The following COP1 variants were observed in gnomAD, a reference collection of about 807,000 sequenced individuals.
COP1 encodes COP1 E3 ubiquitin ligase, also known as E3 ubiquitin-protein ligase COP1.
COP1 carries 24 observed loss-of-function variants against 101.3 expected under a neutral mutation model. The observed-to-expected ratio is 0.24, with a 90% CI of 0.17 to 0.33. The LOEUF (loss-of-function observed/expected upper bound fraction) is 0.33, where lower values mean the gene tolerates loss of function less well. Among genes scored for constraint, COP1 ranks in the 10% least tolerant of loss-of-function variants. COP1 has a pLI of 1.00. For missense variants in COP1, 663 were observed against 906.2 expected, an observed-to-expected ratio of 0.73 and a Z score of 3.45; for synonymous variants, 347 against 341.9, an observed-to-expected ratio of 1.01 and a Z score of -0.17.
At chr1:176,052,193 GT>G (rs1181506205) in intron 11 of COP1, among the ~76,000 whole-genome samples, 29 of 152,164 alleles carry the variant, frequency 1.9e-4, no homozygotes, top group Admixed American at 1.7e-3. Context: ...ATACCATTGT[GT>G]TAAAGCTACC....
At chr1:175,988,101 A>T (rs567316448) in intron 17 of COP1, among the ~76,000 whole-genome samples, 187 bp downstream of exon 17, 173 of 152,338 alleles carry the variant, frequency 1.1e-3, no homozygotes, top group African/African-American at 4.0e-3. Flanking sequence ...ACAATAAAAA[A>T]GGGAAGGACT....
chr1:176,091,741 A>T (rs1681366651), intron 9 of COP1, among the ~76,000 whole-genome samples: 1 of 152,170 alleles, frequency 6.6e-6, no homozygotes, highest in Non-Finnish European at 1.5e-5. Context: ...GTAAAAACGT[A>T]AGAAAAAAAA....
intron 11 of COP1, among the ~76,000 whole-genome samples, chr1:176,064,937 A>T (rs1315741224): frequency 6.6e-6 from 1 of 151,942 alleles, no homozygotes; most frequent in Non-Finnish European, 1.5e-5. Context: ...TCCCTTTTTC[A>T]AGCTTGTAGT....
At chr1:176,112,735 A>T (rs1402054387) in intron 9 of COP1, among the ~76,000 whole-genome samples, 2 of 152,038 alleles carry the variant, frequency 1.3e-5, no homozygotes, top group Non-Finnish European at 2.9e-5. Context: ...TTCTCTGCCT[A>T]CTACCTCCAT....
Position 176,125,565 on chromosome 1 carries a change from A to G in COP1, c.969-8884T>C, listed in dbSNP as rs372094495. ...GTGTGGATTTGTTTCGGGGTCCTCT[A>G]TTCGGTTCCATTGGCATGTGTCTGT... On this transcript the variant is annotated intron_variant, in intron 8 of 19. Transcript: ENST00000367669. Among the ~76,000 whole-genome samples the G allele has an allele frequency of 4.6e-5, 7 of 152,196 alleles. No individual in the cohort carries two copies. In the South Asian group the frequency reaches 1.2e-3, roughly 27 times the overall value.
rs148704105 is a variant in COP1, at chr1:176,104,140, T to C, written c.1026+12484A>G. Among the ~76,000 whole-genome samples the C allele has an allele frequency of 4.9e-3, 744 of 152,212 alleles. 6 individuals carry two copies. Among genetic ancestry groups the C allele is most frequent in the African/African-American group, 0.017 (694 of 41,562 alleles). ...GGGCTGGGGGCACATAGCTAGTCAT[T>C]TGGATGGATGAAATTAAATCCACAT... is the stretch of plus-strand genomic sequence containing the variant. On this transcript the variant is annotated intron_variant, in intron 9 of 19. Transcript: ENST00000367669.
At chr1:176,109,944 G>A (rs983325897) in intron 9 of COP1, among the ~76,000 whole-genome samples, 6 of 151,992 alleles carry the variant, frequency 3.9e-5, no homozygotes, top group Non-Finnish European at 7.4e-5. Context: ...TCAAGACTAT[G>A]AATGTTTAGT....
At chr1:176,033,677 A>G (rs1669009869) in intron 14 of COP1, among the ~76,000 whole-genome samples, 1 of 152,198 alleles carries the variant, frequency 6.6e-6, no homozygotes, top group Non-Finnish European at 1.5e-5. Flanking sequence ...CTGCCACATA[A>G]TGATGGTTCT....
rs144226183 is a variant in COP1, at chr1:175,961,209, C to A, written c.2134-13970G>T. ...CCCTCTGTAATCATGTGAGCTAATA[C>A]CCCAAATAAAAACCCTGTCATAGAT... is the stretch of plus-strand genomic sequence containing the variant. On this transcript the variant is annotated intron_variant, in intron 18 of 19. Transcript: ENST00000367669. 2.6e-3 allele frequency among the ~76,000 whole-genome samples: 400 copies of A among 152,252 alleles called. 3 individuals are homozygous for A. The highest frequency in any genetic ancestry group is 9.2e-3 in the African/African-American group (382 of 41,556).
intron 11 of COP1, among the ~76,000 whole-genome samples, chr1:176,070,330 C>G (rs1676737087): frequency 6.8e-6 from 1 of 147,192 alleles, no homozygotes; most frequent in Non-Finnish European, 1.5e-5. Flanking sequence ...GCCACTTGTG[C>G]TGCCTTTTTT....
chr1:176,017,337 G>A (rs933542834), intron 15 of COP1: 1 of 152,084 alleles, frequency 6.6e-6, no homozygotes, highest in Admixed American at 6.6e-5. Flanking sequence ...AGGCTTCTCA[G>A]ATGCTTGAGA....
chr1:176,005,150 G>C (rs1662803166), intron 15 of COP1, among the ~76,000 whole-genome samples: 1 of 152,104 alleles, frequency 6.6e-6, no homozygotes, highest in Non-Finnish European at 1.5e-5. Context: ...AGAGGTGTTT[G>C]TAGTATTCTC....
At chr1:176,051,901 C>CA (rs953928330) in intron 11 of COP1, among the ~76,000 whole-genome samples, 6 of 150,568 alleles carry the variant, frequency 4.0e-5, no homozygotes, top group South Asian at 2.1e-4. Context: ...AGGGTTATTG[C>CA]AAAAAAATCA....
intron 18 of COP1, among the ~76,000 whole-genome samples, chr1:175,956,829 T>G (rs1227024230): frequency 1.3e-5 from 2 of 152,190 alleles, no homozygotes; most frequent in African/African-American, 2.4e-5. Context: ...CAGGAGATAC[T>G]CCAGAAGAAA....
intron 5 of COP1, among the ~76,000 whole-genome samples, chr1:176,151,367 AAG>A (rs1445191796): frequency 2.1e-5 from 2 of 96,970 alleles, no homozygotes; most frequent in African/African-American, 5.9e-5. Context: ...GAAAGAAAGA[AAG>A]AAAGAAAGAA....
chr1:176,123,088 T>C (rs1687415899), intron 8 of COP1, among the ~76,000 whole-genome samples: 1 of 152,222 alleles, frequency 6.6e-6, no homozygotes, highest in African/African-American at 2.4e-5. Flanking sequence ...TAGATTACAA[T>C]TTATTTGTAA....
At chr1:176,142,249 T>G (rs1199480587) in intron 6 of COP1, among the ~76,000 whole-genome samples, 1 of 150,962 alleles carries the variant, frequency 6.6e-6, no homozygotes, top group Non-Finnish European at 1.5e-5. Context: ...ACATTATAGA[T>G]AAATCAAAAT....
At chr1:176,003,894 G>A (rs1465706070) in intron 15 of COP1, among the ~76,000 whole-genome samples, 1,943 of 150,832 alleles carry the variant, frequency 0.013, 17 homozygotes, top group Middle Eastern at 0.021. Flanking sequence ...GAAGAAAGGC[G>A]TTGGTAGCTT....
intron 18 of COP1, among the ~76,000 whole-genome samples, chr1:175,959,227 G>A (rs1651038183): frequency 6.6e-6 from 1 of 151,552 alleles, no homozygotes; most frequent in Non-Finnish European, 1.5e-5. Context: ...ATGTTAAATA[G>A]GTACAAAAAA....
Sources: gnomAD v4.1 joint callset for allele counts (sites outside exome capture counted in the v4.1 genomes callset) on GRCh38, gnomAD v4.1.1 for gene constraint, MANE v1.5 for transcripts, NCBI Gene and HGNC (gene_info 2026-07-23, HGNC 2026-07-21) for gene names.